ZNF609: variants seen among roughly 807,000 people sequenced by gnomAD.
The protein encoded by ZNF609 is zinc finger protein 609.
ZNF609 carries 11 observed loss-of-function variants against 109.5 expected under a neutral mutation model. The ratio of observed to expected loss-of-function variants is 0.10; its 90% CI spans 0.06 to 0.17. The LOEUF is 0.17. Ranked by LOEUF, ZNF609 falls within the 10% of genes least tolerant of loss-of-function variation. The probability of loss-of-function intolerance (pLI) is 1.00; values close to 1 mark genes in which losing one functional copy is unlikely to be tolerated. For missense variants in ZNF609, 1,559 were observed against 1,772.4 expected (o/e 0.88, Z 2.16); for synonymous variants, 646 against 662.0 (o/e 0.98, Z 0.37).
intron 2 of ZNF609, among the ~76,000 whole-genome samples, chr15:64,600,727 GAA>G (rs887599394): frequency 6.7e-6 from 1 of 149,752 alleles, no homozygotes. Context: ...GGGAAAGAAA[GAA>G]AAAAAAGAAA....
intron 8 of ZNF609, 128 bp downstream of exon 8, chr15:64,680,990 T>G (rs1896877530): frequency 3.7e-6 from 4 of 1,078,332 alleles, no homozygotes; most frequent in Non-Finnish European, 5.2e-6. Flanking sequence ...AATTTTTTTT[T>G]TTTGAGCTTC....
intron 2 of ZNF609, among the ~76,000 whole-genome samples, chr15:64,576,950 A>C (rs939770951): frequency 1.0e-5 from 1 of 99,422 alleles, no homozygotes; most frequent in Non-Finnish European, 2.3e-5. Flanking sequence ...AAATATATAC[A>C]TATATGTATA....
chr15:64,568,757 A>G (rs1043122220), intron 2 of ZNF609, among the ~76,000 whole-genome samples: 3 of 152,226 alleles, frequency 2.0e-5, no homozygotes, highest in African/African-American at 7.2e-5. Context: ...TACAATGTGT[A>G]AAACACTGAG....
intron 2 of ZNF609, among the ~76,000 whole-genome samples, chr15:64,606,265 C>T (rs1005275104): frequency 5.9e-5 from 9 of 151,512 alleles, no homozygotes; most frequent in African/African-American, 2.2e-4. Flanking sequence ...GCCACCATGC[C>T]TGGCTAATGT....
chr15:64,508,114 G>A (rs890991988), intron 2 of ZNF609, among the ~76,000 whole-genome samples: 1 of 152,220 alleles, frequency 6.6e-6, no homozygotes, highest in African/African-American at 2.4e-5. Context: ...TGTGATAAAA[G>A]AGAGACCTTT....
chr15:64,574,473 C>T (rs1057065238), intron 2 of ZNF609, among the ~76,000 whole-genome samples: 1 of 152,184 alleles, frequency 6.6e-6, no homozygotes, highest in African/African-American at 2.4e-5. Flanking sequence ...ATAGCTGAAT[C>T]ACTCACTTGA....
rs71133451 is a variant in ZNF609 at position 64,588,442 on chromosome 15, A to AAAAAAAAAAAAAAAAAAAAAAAG, written c.748-34383_748-34382insAAAAAAAAAAAAAAAAAAAAGAA. Among the ~76,000 whole-genome samples the AAAAAAAAAAAAAAAAAAAAAAAG allele has an allele frequency of 2.0e-3, 152 of 75,270 alleles. 57 individuals carry two copies. The highest frequency in any genetic ancestry group is 0.013 in the East Asian group (22 of 1,734). The allele number at this position is 75,270 out of a possible 152,430, so 49.4% of individuals were successfully genotyped here. The stretch of plus-strand genomic sequence containing the variant: ...CACTCTGTCTAAAAAAAAAAAAAAA[A>AAAAAAAAAAAAAAAAAAAAAAAG]AAGAAGAGGAAGACTGTACAGACTA... On this transcript the variant is annotated intron_variant, in intron 2 of 9. Coordinates refer to ENST00000326648, the MANE Select transcript of ZNF609 (RefSeq NM_015042.2).
At chr15:64,547,026 G>C (rs1235925985) in intron 2 of ZNF609, among the ~76,000 whole-genome samples, 5 of 151,740 alleles carry the variant, frequency 3.3e-5, no homozygotes, top group Admixed American at 3.3e-4. Context: ...TCCTGACCTC[G>C]TGATCCACCC....
chr15:64,490,446 G>A (rs2140344092), intron 1 of ZNF609, among the ~76,000 whole-genome samples: 1 of 151,890 alleles, frequency 6.6e-6, no homozygotes, highest in African/African-American at 2.4e-5. Flanking sequence ...GCTAGTTTTT[G>A]TATTTTTAGT....
chr15:64,541,311 C>A (rs1248066164), intron 2 of ZNF609, among the ~76,000 whole-genome samples: 1 of 150,226 alleles, frequency 6.7e-6, no homozygotes, highest in Admixed American at 6.6e-5. Context: ...CCTGTAGTCC[C>A]CGCTACTCGG....
At chr15:64,519,139 C>CGGGGGT (rs1567003476) in intron 2 of ZNF609, among the ~76,000 whole-genome samples, 2 of 62,348 alleles carry the variant, frequency 3.2e-5, no homozygotes, top group Non-Finnish European at 5.6e-5. Flanking sequence ...GGGGCGGGGG[C>CGGGGGT]GGGTCAGGGA....
Position 64,682,853 on chromosome 15 carries a change from GGCCAATATAAGCTGT to G in ZNF609, c.*1169_*1183del, listed in dbSNP as rs1163929096. On this transcript the variant is annotated 3_prime_UTR_variant, in exon 10 of 10. Coordinates refer to ENST00000326648, the MANE Select transcript of ZNF609 (RefSeq NM_015042.2). The stretch of plus-strand genomic sequence containing the variant: ...TAGCTCAGTCTATAACCTCCATGTG[GGCCAATATAAGCTGT>G]GTTTCTTGGTAACACATATTTTGTT... 1 of 152,584 alleles carries G rather than the reference GGCCAATATAAGCTGT, an allele frequency of 6.6e-6. No homozygotes were observed. Among genetic ancestry groups the G allele is most frequent in the African/African-American group, 2.4e-5 (1 of 41,432 alleles). The allele number at this position is 152,584 out of a possible 1,614,324, so 9.5% of individuals were successfully genotyped here.
At chr15:64,617,050 C>T (rs1274579808) in intron 2 of ZNF609, among the ~76,000 whole-genome samples, 1 of 151,808 alleles carries the variant, frequency 6.6e-6, no homozygotes, top group Admixed American at 6.6e-5. Context: ...TCAGGTGATC[C>T]ACCTGCCTCA....
chr15:64,478,453 C>T (rs2470895), intron 1 of ZNF609, among the ~76,000 whole-genome samples: 112,784 of 151,924 alleles, frequency 0.74, 45,409 homozygotes, highest in East Asian at 0.96. Flanking sequence ...TCACTGCAAC[C>T]TCTGCCTCCT....
At chr15:64,581,550 C>T (rs1337673759) in intron 2 of ZNF609, among the ~76,000 whole-genome samples, 3 of 152,034 alleles carry the variant, frequency 2.0e-5, no homozygotes, top group African/African-American at 7.3e-5. Flanking sequence ...TATAGATAAC[C>T]TTGCAAGTGG....
chr15:64,573,175 A>G (rs925817057), intron 2 of ZNF609, among the ~76,000 whole-genome samples: 3 of 151,976 alleles, frequency 2.0e-5, no homozygotes, highest in Non-Finnish European at 4.4e-5. Flanking sequence ...GAGATGAGAA[A>G]GTAAGCAGAA....
At chr15:64,469,656 T>C (rs377197385) in intron 1 of ZNF609, among the ~76,000 whole-genome samples, 2 of 152,120 alleles carry the variant, frequency 1.3e-5, no homozygotes, top group African/African-American at 4.8e-5. Context: ...TTTTGTAGCC[T>C]CATTCTGCAG....
intron 1 of ZNF609, among the ~76,000 whole-genome samples, chr15:64,475,398 T>G (rs1893155487): frequency 6.8e-6 from 1 of 146,076 alleles, no homozygotes. Context: ...TTGTCTTTTT[T>G]TTTTTTTTTT....
intron 3 of ZNF609, among the ~76,000 whole-genome samples, chr15:64,656,333 G>A (rs1896487097): frequency 6.6e-6 from 1 of 152,174 alleles, no homozygotes; most frequent in African/African-American, 2.4e-5. Flanking sequence ...CAATGTGCGG[G>A]ATTACAGGCG....
Sources: allele counts gnomAD v4.1 joint callset (sites outside exome capture counted in the v4.1 genomes callset), GRCh38; gene constraint gnomAD v4.1.1; transcripts MANE v1.5; gene names NCBI Gene and HGNC (gene_info 2026-07-23, HGNC 2026-07-21).